IL12RB2: variants seen among roughly 807,000 people sequenced by gnomAD.
The protein encoded by IL12RB2 is interleukin 12 receptor subunit beta 2.
IL12RB2 carries 82 observed loss-of-function variants against 89.4 expected under a neutral mutation model. That is an observed-to-expected ratio of 0.92 (90% confidence interval 0.77 to 1.10). IL12RB2 has a LOEUF of 1.10. Ranked by LOEUF, IL12RB2 falls within the 50% of genes least tolerant of loss-of-function variation. The probability of loss-of-function intolerance (pLI) is 0.00; values close to 1 mark genes in which losing one functional copy is unlikely to be tolerated. For missense variants in IL12RB2, 963 were observed against 1,031.9 expected (o/e 0.93, Z 0.92); for synonymous variants, 368 against 370.1 (o/e 0.99, Z 0.07).
intron 4 of IL12RB2, among the ~76,000 whole-genome samples, chr1:67,323,990 G>A (rs1485626124): frequency 6.6e-6 from 1 of 152,128 alleles, no homozygotes. Flanking sequence ...TAATTGGCTT[G>A]CAAGTTTGAA....
At chr1:67,345,335 A>G (rs1660098433) in intron 9 of IL12RB2, among the ~76,000 whole-genome samples, 1 of 152,266 alleles carries the variant, frequency 6.6e-6, no homozygotes, top group African/African-American at 2.4e-5. Flanking sequence ...TTTACGGCAC[A>G]GCCTGAGAGA....
Position 67,329,807 on chromosome 1 carries a change from G to A in IL12RB2, c.807+78G>A, listed in dbSNP as rs1030769240. ...GCGCAGACCTCTGTCTTTTCATACA[G>A]CAAAAAATAGAGTTTAAGAATATTT... On this transcript the variant is annotated intron_variant, in intron 7 of 16. Coordinates refer to ENST00000674203, the MANE Select transcript of IL12RB2 (RefSeq NM_001374259.2). The A allele has an allele frequency of 3.0e-5, 29 of 978,474 alleles. No individual in the cohort carries two copies. In the African/African-American group the frequency reaches 3.8e-4, roughly 13 times the overall value. 60.6% of individuals were successfully genotyped at this position (978,474 alleles called of 1,614,324 possible).
intron 10 of IL12RB2, among the ~76,000 whole-genome samples, chr1:67,351,681 T>C (rs1053078959): frequency 6.6e-6 from 1 of 152,176 alleles, no homozygotes; most frequent in Non-Finnish European, 1.5e-5. Context: ...AAATTCTGAC[T>C]AATGAAACTA....
At position 67,398,036 on chromosome 1, in the gene IL12RB2, A is replaced by C. The variant is rs17129997; in HGVS notation, c.*1947A>C. The stretch of plus-strand genomic sequence containing the variant: ...CTCTTGATACATCCTTGTTTCCTGA[A>C]ATTCCAAACTTAACACCTATAGTTC... On this transcript the variant is annotated 3_prime_UTR_variant, in exon 17 of 17. Coordinates refer to ENST00000674203, the MANE Select transcript of IL12RB2 (RefSeq NM_001374259.2). Among the ~76,000 whole-genome samples the C allele has an allele frequency of 9.2e-5, 14 of 152,186 alleles. No homozygotes were observed. The highest frequency in any genetic ancestry group is 3.4e-4 in the African/African-American group (14 of 41,446).
intron 9 of IL12RB2, among the ~76,000 whole-genome samples, chr1:67,343,468 G>A (rs1311693073): frequency 6.6e-6 from 1 of 152,120 alleles, no homozygotes; most frequent in African/African-American, 2.4e-5. Flanking sequence ...AAACACCTGG[G>A]TATTGTTAAA....
At position 67,321,771 on chromosome 1, in the gene IL12RB2, C is replaced by T; in HGVS notation, c.246C>T (p.Gly82=). 2 of 1,610,386 alleles carry T rather than the reference C, an allele frequency of 1.2e-6. No homozygotes were observed. The highest frequency in any genetic ancestry group is 1.7e-6 in the Non-Finnish European group (2 of 1,176,642). The part of the protein sequence containing the change: ...KFDRRINFHH[G]HSLNSQVTGL... ...ACAGAAGAATCAATTTTCACCATGG[C>T]CACTCCCTCAATTCTCAAGTCACAG... is the stretch of plus-strand genomic sequence containing the variant. Residue 82 remains glycine (G), a synonymous_variant, in exon 4 of 17, where the codon GGC becomes GGT. Transcript: ENST00000674203.
chr1:67,367,495 G>GGAAGGAAGGAAGCAAA (rs1553124385), intron 10 of IL12RB2, among the ~76,000 whole-genome samples: 9 of 133,284 alleles, frequency 6.8e-5, no homozygotes, highest in African/African-American at 2.5e-4. Flanking sequence ...AAGCAAAGAA[G>GGAAGGAAGGAAGCAAA]GAAGGAAAGA....
chr1:67,359,437 G>A (rs1292408405), intron 10 of IL12RB2, among the ~76,000 whole-genome samples: 1 of 152,114 alleles, frequency 6.6e-6, no homozygotes, highest in African/African-American at 2.4e-5. Context: ...AAAAATTAGT[G>A]GAGGCTGGGC....
intron 13 of IL12RB2, among the ~76,000 whole-genome samples, chr1:67,373,166 G>A (rs1663558747): frequency 1.3e-5 from 2 of 152,134 alleles, no homozygotes; most frequent in Non-Finnish European, 2.9e-5. Flanking sequence ...TGAGTGCAGT[G>A]GTGCAATCAC....
At chr1:67,309,489 A>G (rs1489367329) in intron 1 of IL12RB2, among the ~76,000 whole-genome samples, 1 of 152,222 alleles carries the variant, frequency 6.6e-6, no homozygotes, top group Non-Finnish European at 1.5e-5. Context: ...TTAGTGGCTA[A>G]GAGCTAACAC....
chr1:67,349,266 T>G (rs1445841786), intron 9 of IL12RB2, among the ~76,000 whole-genome samples: 1 of 151,670 alleles, frequency 6.6e-6, no homozygotes, highest in Non-Finnish European at 1.5e-5. Flanking sequence ...GAAATAAGAG[T>G]TTTGTGAGCT....
chr1:67,322,792 G>A (rs534010024), intron 4 of IL12RB2, among the ~76,000 whole-genome samples: 5 of 152,330 alleles, frequency 3.3e-5, no homozygotes, highest in Admixed American at 6.5e-5. Context: ...TAGAACTAAA[G>A]TGTCAGAGTT....
In IL12RB2 at chr1:67,320,323, C is replaced by A; in HGVS notation, c.-36-10C>A. The A allele has an allele frequency of 6.2e-7, 1 of 1,613,556 alleles. No homozygotes were observed. Among genetic ancestry groups the A allele is most frequent in the Non-Finnish European group, 8.5e-7 (1 of 1,179,708 alleles). On this transcript the variant is annotated splice_polypyrimidine_tract_variant and intron_variant, in intron 2 of 16. Transcript: ENST00000674203. Reference sequence around the variant, plus strand: ...TATTTAACATGAATGAATTTGTCTTCTTTTGCAAGGAAGAATACGGAGTTC... The same window carrying A: ...TATTTAACATGAATGAATTTGTCTTATTTTGCAAGGAAGAATACGGAGTTC...
chr1:67,374,144 A>C (rs544750763), intron 13 of IL12RB2, among the ~76,000 whole-genome samples: 1 of 152,324 alleles, frequency 6.6e-6, no homozygotes, highest in South Asian at 2.1e-4. Flanking sequence ...TTACCTCTCA[A>C]TAATACGTGG....
intron 10 of IL12RB2, among the ~76,000 whole-genome samples, chr1:67,357,958 T>C (rs2100898865): frequency 6.6e-6 from 1 of 152,176 alleles, no homozygotes. Context: ...GGGGAGCAAA[T>C]ATTTGAAGAC....
intron 4 of IL12RB2, among the ~76,000 whole-genome samples, chr1:67,323,596 C>A (rs1236092261): frequency 2.0e-5 from 3 of 152,132 alleles, no homozygotes; most frequent in Non-Finnish European, 2.9e-5. Flanking sequence ...AGAGTCCTGA[C>A]TACAAACTCT....
At chr1:67,354,057 C>A (rs1290437618) in intron 10 of IL12RB2, among the ~76,000 whole-genome samples, 2 of 152,154 alleles carry the variant, frequency 1.3e-5, no homozygotes, top group Non-Finnish European at 2.9e-5. Flanking sequence ...AGGTCCTCAA[C>A]TTATATTTAG....
intron 9 of IL12RB2, among the ~76,000 whole-genome samples, chr1:67,344,997 T>C (rs1182188835): frequency 6.6e-6 from 1 of 152,008 alleles, no homozygotes; most frequent in Non-Finnish European, 1.5e-5. Flanking sequence ...AGCCAAACCC[T>C]GTCTCTACTA....
At chr1:67,366,057 G>A (rs1662628972) in intron 10 of IL12RB2, among the ~76,000 whole-genome samples, 1 of 152,146 alleles carries the variant, frequency 6.6e-6, no homozygotes, top group African/African-American at 2.4e-5. Flanking sequence ...AAAGAATGCA[G>A]GAAACCCAAT....
Sources: gnomAD v4.1 joint callset for allele counts (sites outside exome capture counted in the v4.1 genomes callset) on GRCh38, gnomAD v4.1.1 for gene constraint, MANE v1.5 for transcripts, NCBI Gene and HGNC (gene_info 2026-07-23, HGNC 2026-07-21) for gene names.